Variants in KIAA1328 observed in about 807,000 individuals in gnomAD.
KIAA1328 encodes protein hinderin.
Under a neutral mutation model 68.1 loss-of-function variants are expected in KIAA1328, and 52 were observed. The observed-to-expected ratio is 0.76, with a 90% CI of 0.61 to 0.96. The LOEUF is 0.96. Among genes scored for constraint, KIAA1328 ranks in the 40% least tolerant of loss-of-function variants. The pLI, the probability that KIAA1328 is intolerant of heterozygous loss-of-function variation, is 0.00. For synonymous variants in KIAA1328, 232 were observed against 239.4 expected (o/e 0.97, Z 0.28); for missense variants, 641 against 677.6 (o/e 0.95, Z 0.60).
intron 3 of KIAA1328, among the ~76,000 whole-genome samples, chr18:36,838,880 G>A (rs557617126): frequency 5.9e-5 from 9 of 152,086 alleles, no homozygotes; most frequent in African/African-American, 1.7e-4. Flanking sequence ...GATTACGGGC[G>A]TGCACCGCCA....
intron 5 of KIAA1328, among the ~76,000 whole-genome samples, chr18:36,901,618 C>A (rs985173316): frequency 4.6e-5 from 7 of 152,012 alleles, no homozygotes; most frequent in Non-Finnish European, 7.4e-5. Flanking sequence ...TTATGTCTGA[C>A]AGCTCAGGGC....
At chr18:36,911,206 C>T (rs1361974355) in intron 5 of KIAA1328, among the ~76,000 whole-genome samples, 1 of 152,122 alleles carries the variant, frequency 6.6e-6, no homozygotes, top group Non-Finnish European at 1.5e-5. Flanking sequence ...CTTTATAAGA[C>T]AGTAAACTAA....
chr18:37,104,741 T>TGTC (rs1556885231), intron 7 of KIAA1328, among the ~76,000 whole-genome samples: 1 of 151,736 alleles, frequency 6.6e-6, no homozygotes, highest in Non-Finnish European at 1.5e-5. Context: ...TGCATCAAAA[T>TGTC]ATATGTACCC....
intron 6 of KIAA1328, among the ~76,000 whole-genome samples, chr18:36,986,393 C>CAT (rs2052926349): frequency 6.7e-6 from 1 of 149,904 alleles, no homozygotes; most frequent in Non-Finnish European, 1.5e-5. Flanking sequence ...AGAAGAAAAC[C>CAT]TAGGCATTAC....
chr18:37,000,299 A>G (rs1287540755), intron 6 of KIAA1328, among the ~76,000 whole-genome samples: 1 of 152,192 alleles, frequency 6.6e-6, no homozygotes, highest in Admixed American at 6.5e-5. Flanking sequence ...CAATGCAGCA[A>G]GAGGATATAA....
At chr18:36,972,021 G>A (rs2052239931) in intron 6 of KIAA1328, among the ~76,000 whole-genome samples, 1 of 152,110 alleles carries the variant, frequency 6.6e-6, no homozygotes, top group South Asian at 2.1e-4. Flanking sequence ...AGTTTAAAAA[G>A]AAAATACATG....
chr18:37,221,887 A>T, intron 9 of KIAA1328, 130 bp from the exon 10 acceptor site: 1 of 901,194 alleles, frequency 1.1e-6, no homozygotes. Flanking sequence ...AAATTCCCTT[A>T]AGCATCATCT....
intron 5 of KIAA1328, among the ~76,000 whole-genome samples, chr18:36,903,211 G>T (rs2049099878): frequency 6.6e-6 from 1 of 152,058 alleles, no homozygotes; most frequent in African/African-American, 2.4e-5. Context: ...ACAGCTAGAT[G>T]AATAACAGTA....
chr18:37,176,024 TTGTTCTCAC>T (rs2059591447), intron 9 of KIAA1328, among the ~76,000 whole-genome samples: 1 of 152,228 alleles, frequency 6.6e-6, no homozygotes, highest in Non-Finnish European at 1.5e-5. Flanking sequence ...TGGTTGTTAA[TTGTTCTCAC>T]TGCTGGCTGT....
intron 5 of KIAA1328, among the ~76,000 whole-genome samples, chr18:36,889,386 T>A (rs925867064): frequency 6.6e-6 from 1 of 152,220 alleles, no homozygotes; most frequent in African/African-American, 2.4e-5. Context: ...AAAATTTGAT[T>A]AATATTTAAG....
intron 7 of KIAA1328, among the ~76,000 whole-genome samples, chr18:37,134,035 A>G (rs1355217068): frequency 1.3e-5 from 2 of 148,794 alleles, no homozygotes; most frequent in Admixed American, 6.7e-5. Flanking sequence ...TTTTTTTGAG[A>G]TGGAGTCTTG....
chr18:37,026,883 G>GC (rs2054604811), intron 6 of KIAA1328, among the ~76,000 whole-genome samples: 1 of 152,166 alleles, frequency 6.6e-6, no homozygotes, highest in Non-Finnish European at 1.5e-5. Context: ...GGGCAATCAG[G>GC]TAGAGAAAGA....
Position 37,160,395 on chromosome 18 carries a change from C to T in KIAA1328, c.1414+14C>T. The T allele has an allele frequency of 8.1e-6, 13 of 1,600,436 alleles. No individual in the cohort carries two copies. The highest frequency in any genetic ancestry group is 6.7e-5 in the African/African-American group (5 of 74,346). The stretch of plus-strand genomic sequence containing the variant: ...GACCCCAAAGAGGTAAGTTTAACAA[C>T]TGTAGTGGCAAAATGAGAAACTGGT... On this transcript the variant is annotated intron_variant, in intron 8 of 9. Transcript: ENST00000280020.
Position 36,885,329 on chromosome 18 carries a change from T to C in KIAA1328, c.333-228T>C, listed in dbSNP as rs1276889966. On this transcript the variant is annotated intron_variant, in intron 4 of 9. Transcript: ENST00000280020. ...TGCATATTTAAGATATCTCTGATGA[T>C]TGAAAACATTTTTAATGTAAAAATT... 3.3e-5 allele frequency among the ~76,000 whole-genome samples: 5 copies of C among 152,146 alleles called. No homozygotes were observed. In the East Asian group the frequency reaches 9.6e-4, roughly 29 times the overall value.
At chr18:36,984,036 T>C (rs1167019266) in intron 6 of KIAA1328, among the ~76,000 whole-genome samples, 3 of 152,170 alleles carry the variant, frequency 2.0e-5, no homozygotes, top group Non-Finnish European at 4.4e-5. Flanking sequence ...CAAATTTTTT[T>C]AGATGAAGTC....
intron 7 of KIAA1328, among the ~76,000 whole-genome samples, chr18:37,096,631 G>A (rs1346994660): frequency 2.0e-5 from 3 of 152,108 alleles, no homozygotes; most frequent in Admixed American, 6.5e-5. Flanking sequence ...TTTCTAGTTC[G>A]AGATCCCTGG....
At chr18:36,868,127 A>G (rs1366772278) in intron 4 of KIAA1328, among the ~76,000 whole-genome samples, 1 of 152,214 alleles carries the variant, frequency 6.6e-6, no homozygotes, top group Non-Finnish European at 1.5e-5. Flanking sequence ...TGTGAGTCTG[A>G]ATTTATGGGC....
At chr18:36,914,256 CAT>C (rs1342697639) in intron 5 of KIAA1328, among the ~76,000 whole-genome samples, 5 of 152,142 alleles carry the variant, frequency 3.3e-5, no homozygotes, top group African/African-American at 1.2e-4. Context: ...AGCATATAAA[CAT>C]GTGTTCCATA....
intron 5 of KIAA1328, among the ~76,000 whole-genome samples, chr18:36,952,195 C>T (rs1439704825): frequency 6.6e-6 from 1 of 152,084 alleles, no homozygotes; most frequent in African/African-American, 2.4e-5. Context: ...CACAGCCTAC[C>T]TACCTGGTAC....
Sources: gnomAD v4.1 joint callset for allele counts (sites outside exome capture counted in the v4.1 genomes callset) on GRCh38, gnomAD v4.1.1 for gene constraint, MANE v1.5 for transcripts, NCBI Gene and HGNC (gene_info 2026-07-23, HGNC 2026-07-21) for gene names.